ABHD2: variants seen among roughly 807,000 people sequenced by gnomAD.
ABHD2 encodes monoacylglycerol lipase ABHD2.
A neutral mutation model predicts 48.1 loss-of-function variants in ABHD2; 20 were observed. The ratio of observed to expected loss-of-function variants is 0.42; its 90% CI spans 0.29 to 0.60. The LOEUF is 0.60. Among genes scored for constraint, ABHD2 ranks in the 20% least tolerant of loss-of-function variants. ABHD2 has a pLI of 0.24. For missense variants in ABHD2, 405 were observed against 550.9 expected, an observed-to-expected ratio of 0.74 and a Z score of 2.65; for synonymous variants, 209 against 214.2, an observed-to-expected ratio of 0.98 and a Z score of 0.21.
rs1031329093 is a variant in ABHD2, at chr15:89,188,468, A to G, written c.926+165A>G. Among the ~76,000 whole-genome samples the G allele has an allele frequency of 5.9e-5, 9 of 152,232 alleles. No homozygotes were observed. Among genetic ancestry groups the G allele is most frequent in the Non-Finnish European group, 1.2e-4 (8 of 68,044 alleles). ...AGTGCTTAAAAACAGAAGATTTCAC[A>G]GGAACATTTAAATTTCTAGTTTCTC... On this transcript the variant is annotated intron_variant, in intron 8 of 10. Coordinates refer to ENST00000352732, the MANE Select transcript of ABHD2 (RefSeq NM_152924.5). The surrounding 1 kb of genome is among the most constrained non-coding windows in gnomAD (Gnocchi z 4.1).
rs1298891513 is a variant in ABHD2 at position 89,127,721 on chromosome 15, A to ATG, written c.194+11200_194+11201insTG. Among the ~76,000 whole-genome samples, 711 of 87,284 alleles carry ATG rather than the reference A, an allele frequency of 8.1e-3. 15 individuals carry two copies. The highest frequency in any genetic ancestry group is 0.045 in the African/African-American group (674 of 15,026). The allele number at this position is 87,284 out of a possible 152,430, so 57.3% of individuals were successfully genotyped here. A position where few individuals can be genotyped will look rare whatever the true frequency, so the allele number is the denominator to read the frequency against. On this transcript the variant is annotated intron_variant, in intron 3 of 10. Transcript: ENST00000352732. ...TATATATATACATATATATATATAC[A>ATG]CATATATATATATATATATGTATAT... is the stretch of plus-strand genomic sequence containing the variant.
the ABHD2 span, among the ~76,000 whole-genome samples, chr15:89,058,826 A>ACTGCTGGCCT: frequency 6.6e-6 from 1 of 152,134 alleles, no homozygotes; most frequent in Non-Finnish European, 1.5e-5. Context: ...CTCAATAAAA[A>ACTGCTGGCCT]CAGCAATCCA....
At chr15:89,096,063 G>A (rs978112948) in intron 1 of ABHD2, among the ~76,000 whole-genome samples, 1 of 152,210 alleles carries the variant, frequency 6.6e-6, no homozygotes, top group African/African-American at 2.4e-5. Flanking sequence ...TGTAAATGAA[G>A]GCTGTAGCAG....
chr15:89,160,645 C>T (rs2050748311), intron 5 of ABHD2, among the ~76,000 whole-genome samples: 1 of 152,132 alleles, frequency 6.6e-6, no homozygotes, highest in Non-Finnish European at 1.5e-5. Flanking sequence ...CCATACTATC[C>T]ATCCATTATG....
intron 1 of ABHD2, chr15:89,093,926 G>T (rs1567063996): frequency 6.6e-6 from 1 of 152,006 alleles, no homozygotes; most frequent in Non-Finnish European, 1.5e-5. Context: ...TGCCTCTCGG[G>T]TTTTTTTTCC....
At chr15:89,191,227 A>G in intron 9 of ABHD2, 78 bp downstream of exon 9, 1 of 1,457,672 alleles carries the variant, frequency 6.9e-7, no homozygotes, top group Non-Finnish European at 9.5e-7. Context: ...CCTCTCCTGA[A>G]TTTTCCTGGT....
rs1596125318 is a variant in ABHD2, at chr15:89,155,587, C to A, written c.538+53C>A. The A allele has an allele frequency of 1.3e-6, 2 of 1,565,262 alleles. No individual in the cohort carries two copies. The highest frequency in any genetic ancestry group is 2.3e-5 in the East Asian group (1 of 44,002). On this transcript the variant is annotated intron_variant, in intron 5 of 10. Transcript: ENST00000352732. This position sits in a 1 kb window ranked among gnomAD's most constrained non-coding sequence, Gnocchi z 4.9. Reference sequence around the variant, plus strand: ...TTTTTCTGCAAGTGTGCTACTACTTCTGCTTCTGCCTTGTTTTTTCTTTTT... The same window carrying A: ...TTTTTCTGCAAGTGTGCTACTACTTATGCTTCTGCCTTGTTTTTTCTTTTT...
rs1223448757 is a variant in ABHD2, at chr15:89,109,947, A to G, written c.-106-3778A>G. Among the ~76,000 whole-genome samples, 6 of 152,336 alleles carry G rather than the reference A, an allele frequency of 3.9e-5. No individual in the cohort carries two copies. In the East Asian group the frequency reaches 7.7e-4, roughly 20 times the overall value. ...ATGACATAGTATTTGCATATAACCTATGCATATCCTCCTATATACATTAAA... is the reference window on the plus strand; with the variant it reads ...ATGACATAGTATTTGCATATAACCTGTGCATATCCTCCTATATACATTAAA... On this transcript the variant is annotated intron_variant, in intron 1 of 10. Transcript: ENST00000352732.
At chr15:89,071,426 G>GA in the ABHD2 span, among the ~76,000 whole-genome samples, 19 of 150,256 alleles carry the variant, frequency 1.3e-4, no homozygotes, top group African/African-American at 2.7e-4. Flanking sequence ...CGTCTCAAAA[G>GA]AAAAAAAAAG....
chr15:89,049,478 C>A, the ABHD2 span, among the ~76,000 whole-genome samples: 2 of 152,222 alleles, frequency 1.3e-5, no homozygotes, highest in East Asian at 1.9e-4. Context: ...GCGGGCGCCC[C>A]TCCCCCAGCC....
At chr15:89,107,097 G>A (rs115866512) in intron 1 of ABHD2, among the ~76,000 whole-genome samples, 275 of 152,254 alleles carry the variant, frequency 1.8e-3, no homozygotes, top group African/African-American at 6.2e-3. Context: ...TTTACCTGCA[G>A]GGAAGAATGG....
At chr15:89,093,685 A>G (rs1205916228) in intron 1 of ABHD2, 1 of 152,186 alleles carries the variant, frequency 6.6e-6, no homozygotes, top group Non-Finnish European at 1.5e-5. Context: ...CCAAGCCCAC[A>G]CGTAATTTTG....
intron 3 of ABHD2, chr15:89,136,281 T>C: frequency 2.4e-6 from 1 of 418,056 alleles, no homozygotes; most frequent in Non-Finnish European, 4.7e-6. Flanking sequence ...TCGTTTCTCT[T>C]TCGTATGGGC....
chr15:89,054,979 A>G, the ABHD2 span, among the ~76,000 whole-genome samples: 1 of 152,100 alleles, frequency 6.6e-6, no homozygotes, highest in Non-Finnish European at 1.5e-5. Flanking sequence ...TAATCCTAGT[A>G]ACTCGGGAGG....
rs1422174348 is a variant in ABHD2, at chr15:89,199,026, A to T, written c.*3603A>T. On this transcript the variant is annotated 3_prime_UTR_variant, in exon 11 of 11. Coordinates refer to ENST00000352732, the MANE Select transcript of ABHD2 (RefSeq NM_152924.5). This position sits in a 1 kb window ranked among gnomAD's most constrained non-coding sequence, Gnocchi z 4.1. ...TCCTCCAGTGTGACTCAGGCAGAGC[A>T]TTGAGAATTCCCAGGGCAGAAATCC... 6.6e-6 allele frequency: 1 copy of T among 152,160 alleles called. No homozygotes were observed. Among genetic ancestry groups the T allele is most frequent in the Admixed American group, 6.5e-5 (1 of 15,268 alleles). The allele number at this position is 152,160 out of a possible 1,614,324, so 9.4% of individuals were successfully genotyped here. A position where few individuals can be genotyped will look rare whatever the true frequency, so the allele number is the denominator to read the frequency against.
At chr15:89,068,375 C>T in the ABHD2 span, among the ~76,000 whole-genome samples, 1 of 152,184 alleles carries the variant, frequency 6.6e-6, no homozygotes, top group Non-Finnish European at 1.5e-5. Flanking sequence ...GGTGGCTAGC[C>T]TCTGCTCCCT....
At chr15:89,110,554 C>G (rs544270727) in intron 1 of ABHD2, among the ~76,000 whole-genome samples, 2 of 151,726 alleles carry the variant, frequency 1.3e-5, no homozygotes, top group South Asian at 4.2e-4. Flanking sequence ...ACATAAATTT[C>G]TTTTCTCCCT....
intron 3 of ABHD2, among the ~76,000 whole-genome samples, chr15:89,132,498 G>A (rs2050236194): frequency 6.6e-6 from 1 of 152,188 alleles, no homozygotes; most frequent in African/African-American, 2.4e-5. Context: ...TTGTAACTAT[G>A]TAAATACTCT....
intron 4 of ABHD2, among the ~76,000 whole-genome samples, chr15:89,152,149 C>T (rs1239576208): frequency 6.6e-6 from 1 of 151,684 alleles, no homozygotes; most frequent in African/African-American, 2.4e-5. Context: ...GATCTCGGCT[C>T]ACTGCAAGCT....
Sources: gnomAD v4.1 joint callset for allele counts (sites outside exome capture counted in the v4.1 genomes callset) on GRCh38, gnomAD v4.1.1 for gene constraint, Gnocchi (gnomAD v3.1) non-coding constraint, MANE v1.5 for transcripts, NCBI Gene and HGNC (gene_info 2026-07-23, HGNC 2026-07-21) for gene names.